GPC6: variants seen among roughly 807,000 people sequenced by gnomAD.
GPC6 encodes the protein glypican 6, also known as glypican-6.
A neutral mutation model predicts 55.2 loss-of-function variants in GPC6; 14 were observed. The ratio of observed to expected loss-of-function variants is 0.25; its 90% CI spans 0.17 to 0.40. The LOEUF (loss-of-function observed/expected upper bound fraction) is 0.40. Among genes scored for constraint, GPC6 ranks in the 10% least tolerant of loss-of-function variants. The pLI is 1.00. For synonymous variants in GPC6, 278 were observed against 259.6 expected, an observed-to-expected ratio of 1.07 and a Z score of -0.68; for missense variants, 641 against 708.5, an observed-to-expected ratio of 0.90 and a Z score of 1.08.
chr13:93,958,757 C>T (rs1325416199), intron 3 of GPC6, among the ~76,000 whole-genome samples: 1 of 151,912 alleles, frequency 6.6e-6, no homozygotes, highest in Non-Finnish European at 1.5e-5. Flanking sequence ...TATATTTAAT[C>T]TGTAAATTGT....
chr13:93,689,064 C>T (rs186474795), intron 2 of GPC6, among the ~76,000 whole-genome samples: 1 of 152,076 alleles, frequency 6.6e-6, no homozygotes, highest in East Asian at 1.9e-4. Flanking sequence ...CTATTTTAAA[C>T]CTCAGATTTA....
At chr13:94,349,357 C>G (rs1215716955) in intron 6 of GPC6, among the ~76,000 whole-genome samples, 1 of 152,126 alleles carries the variant, frequency 6.6e-6, no homozygotes, top group Non-Finnish European at 1.5e-5. Context: ...CTCCCTACTC[C>G]CTACTCATCC....
intron 1 of GPC6, among the ~76,000 whole-genome samples, chr13:93,397,624 A>G (rs11618812): frequency 0.33 from 50,447 of 152,058 alleles, 10,822 homozygotes; most frequent in Non-Finnish European, 0.49. Context: ...TCTTCATAAA[A>G]TGAGCACCCT....
At chr13:93,343,317 C>G (rs142853892) in intron 1 of GPC6, among the ~76,000 whole-genome samples, 1 of 152,144 alleles carries the variant, frequency 6.6e-6, no homozygotes, top group Admixed American at 6.5e-5. Flanking sequence ...GAGTCCCATA[C>G]GTTCCTTGTG....
At chr13:93,763,240 A>G (rs950824350) in intron 2 of GPC6, among the ~76,000 whole-genome samples, 3 of 152,212 alleles carry the variant, frequency 2.0e-5, no homozygotes, top group African/African-American at 7.2e-5. Context: ...TTAGTGATGC[A>G]AGTTCACTTG....
intron 4 of GPC6, among the ~76,000 whole-genome samples, chr13:94,279,405 G>C (rs149998816): frequency 1.4e-5 from 2 of 146,552 alleles, no homozygotes; most frequent in South Asian, 2.1e-4. Context: ...TCCTGGATTC[G>C]TTGATTTGTT....
intron 2 of GPC6, among the ~76,000 whole-genome samples, chr13:93,698,485 C>CTTT (rs57058820): frequency 0.036 from 1,179 of 32,430 alleles, 127 homozygotes; most frequent in Non-Finnish European, 0.041. Context: ...CTGTGTGGGT[C>CTTT]TTTTTTTTTT....
chr13:94,288,950 G>GTTAT (rs1874782569), intron 5 of GPC6, among the ~76,000 whole-genome samples: 14 of 27,610 alleles, frequency 5.1e-4, no homozygotes, highest in South Asian at 1.8e-3. Flanking sequence ...TAGATAGATA[G>GTTAT]ATATATAGAT....
intron 1 of GPC6, among the ~76,000 whole-genome samples, chr13:93,394,358 TTA>T (rs2139222517): frequency 6.6e-6 from 1 of 152,304 alleles, no homozygotes; most frequent in South Asian, 2.1e-4. Flanking sequence ...CCCACACATA[TTA>T]TAGTAAGTAT....
chr13:93,335,186 C>T (rs1880003481), intron 1 of GPC6, among the ~76,000 whole-genome samples: 1 of 152,162 alleles, frequency 6.6e-6, no homozygotes, highest in African/African-American at 2.4e-5. Flanking sequence ...TGCAATTATC[C>T]TTTCTGAAAT....
At chr13:93,476,163 T>G (rs1879294045) in intron 1 of GPC6, among the ~76,000 whole-genome samples, 1 of 152,160 alleles carries the variant, frequency 6.6e-6, no homozygotes, top group Non-Finnish European at 1.5e-5. Context: ...GCAGCACATT[T>G]TAAACTATTG....
At chr13:93,275,670 T>C (rs1877708151) in intron 1 of GPC6, among the ~76,000 whole-genome samples, 1 of 152,282 alleles carries the variant, frequency 6.6e-6, no homozygotes, top group East Asian at 1.9e-4. Flanking sequence ...TGTGTGTGCA[T>C]CCTTGGTGTC....
chr13:93,919,308 C>T (rs533123286), intron 3 of GPC6, among the ~76,000 whole-genome samples: 8 of 152,260 alleles, frequency 5.3e-5, no homozygotes, highest in African/African-American at 1.7e-4. Flanking sequence ...TAATGCAGTC[C>T]GTTGTTAAGG....
In GPC6 at chr13:94,403,822, C is replaced by T. The variant is rs1445469861; in HGVS notation, c.*605C>T. 1.2e-5 allele frequency: 2 copies of T among 161,938 alleles called. No individual in the cohort carries two copies. Among genetic ancestry groups the T allele is most frequent in the African/African-American group, 4.8e-5 (2 of 41,470 alleles). 10.0% of individuals were successfully genotyped at this position (161,938 alleles called of 1,614,324 possible). A position where few individuals can be genotyped will look rare whatever the true frequency, so the allele number is the denominator to read the frequency against. On this transcript the variant is annotated 3_prime_UTR_variant, in exon 9 of 9. Transcript: ENST00000377047. ...TGGAGGTATCATCTTGCACTCTAACCAAACAACACCAAATTAATCTGGAGG... is the reference window on the plus strand; with the variant it reads ...TGGAGGTATCATCTTGCACTCTAACTAAACAACACCAAATTAATCTGGAGG...
chr13:94,010,662 T>G (rs1882208367), intron 3 of GPC6, among the ~76,000 whole-genome samples: 1 of 152,236 alleles, frequency 6.6e-6, no homozygotes, highest in Admixed American at 6.5e-5. Flanking sequence ...AACAAAGTTC[T>G]TGGGAATATT....
In GPC6 at chr13:93,743,404, G is replaced by A. The variant is rs557394197; in HGVS notation, c.320-86750G>A. ...GTGGCCAATACTATTCATCCTAATA[G>A]ATAAAAATAACAAATCACTAAATGG... On this transcript the variant is annotated intron_variant, in intron 2 of 8. Coordinates refer to ENST00000377047, the MANE Select transcript of GPC6 (RefSeq NM_005708.5). 1.2e-3 allele frequency among the ~76,000 whole-genome samples: 182 copies of A among 152,154 alleles called. 1 individual carries two copies. The highest frequency in any genetic ancestry group is 4.2e-3 in the African/African-American group (175 of 41,536).
intron 3 of GPC6, among the ~76,000 whole-genome samples, chr13:93,848,182 G>A (rs544112281): frequency 2.0e-4 from 31 of 152,196 alleles, no homozygotes; most frequent in African/African-American, 6.7e-4. Flanking sequence ...TTCCAACAGA[G>A]AGAAAGTTTG....
At chr13:93,731,545 C>T (rs76652712) in intron 2 of GPC6, among the ~76,000 whole-genome samples, 1,551 of 152,254 alleles carry the variant, frequency 0.01, 28 homozygotes, top group African/African-American at 0.036. Context: ...AGCGTCTATT[C>T]TAAGGAATAT....
At chr13:93,217,186 G>T in the GPC6 span, among the ~76,000 whole-genome samples, 1 of 152,170 alleles carries the variant, frequency 6.6e-6, no homozygotes, top group African/African-American at 2.4e-5. Flanking sequence ...TATGAAAATA[G>T]ACTAGCAAAT....
Sources: allele counts gnomAD v4.1 joint callset (sites outside exome capture counted in the v4.1 genomes callset), GRCh38; gene constraint gnomAD v4.1.1; transcripts MANE v1.5; gene names NCBI Gene and HGNC (gene_info 2026-07-23, HGNC 2026-07-21).